The following BCO1 variants were observed in gnomAD, a reference collection of about 807,000 sequenced individuals.
The protein encoded by BCO1 is beta,beta-carotene 15,15'-dioxygenase.
A neutral mutation model predicts 56.3 loss-of-function variants in BCO1; 54 were observed. The ratio of observed to expected loss-of-function variants is 0.96; its 90% CI spans 0.77 to 1.20. The LOEUF is 1.20. BCO1 is among the 50% of genes most tolerant of loss of function. The pLI, the probability that BCO1 is intolerant of heterozygous loss-of-function variation, is 0.00. For synonymous variants in BCO1, 318 were observed against 266.1 expected (o/e 1.20, Z -1.90); for missense variants, 801 against 690.9 (o/e 1.16, Z -1.79).
rs1318589424 is a variant in BCO1, at chr16:81,270,206, C to T, written c.891C>T (p.Thr297=). The T allele has an allele frequency of 1.2e-5, 19 of 1,614,164 alleles. No individual in the cohort carries two copies. The highest frequency in any genetic ancestry group is 2.2e-5 in the South Asian group (2 of 91,084). Residue 297 remains threonine, a synonymous_variant, in exon 7 of 11, where the codon ACC becomes ACT. Coordinates refer to ENST00000258168, the MANE Select transcript of BCO1 (RefSeq NM_017429.3). The stretch of plus-strand genomic sequence containing the variant: ...AAAGGACCAGGCAGCCTGTGCAGAC[C>T]AAGTTTTACACAGACGCCATGGTGG... ...IDQRTRQPVQ[T]KFYTDAMVVF...
At position 81,290,573 on chromosome 16, in the gene BCO1, C is replaced by G. The variant is rs757272575; in HGVS notation, c.1640C>G (p.Thr547Ser). ...TCCGACTGCCACGGGGCTCCTCTGA[C>G]CTGATGGTGTTGGGGTTTGGGTAGG... ...RASDCHGAPL[T>S] is the part of the protein sequence containing the mutation. The change falls in exon 11 of 11, where the codon ACC becomes AGC. Residue 547 changes from threonine (T) to serine (S), a missense_variant. By Grantham distance (58) the Thr-to-Ser change is moderately conservative. Coordinates refer to ENST00000258168, the MANE Select transcript of BCO1 (RefSeq NM_017429.3). 3.7e-6 allele frequency: 6 copies of G among 1,612,470 alleles called. No individual in the cohort carries two copies. Among genetic ancestry groups the G allele is most frequent in the Admixed American group, 3.3e-5 (2 of 59,992 alleles).
intron 1 of BCO1, 147 bp from the exon 2 acceptor site, chr16:81,245,328 A>G: frequency 2.4e-6 from 3 of 1,260,870 alleles, no homozygotes; most frequent in South Asian, 2.4e-5. Context: ...CACATTATAC[A>G]CTTTCTGGAA....
intron 8 of BCO1, among the ~76,000 whole-genome samples, chr16:81,284,088 G>T (rs987716640): frequency 6.6e-6 from 1 of 151,686 alleles, no homozygotes; most frequent in African/African-American, 2.4e-5. Flanking sequence ...AGCTACTTGG[G>T]AGGCTGAAGC....
chr16:81,248,873 G>A (rs1346559183), intron 2 of BCO1, among the ~76,000 whole-genome samples: 3 of 152,082 alleles, frequency 2.0e-5, no homozygotes, highest in African/African-American at 7.2e-5. Context: ...TTAGCCGGAT[G>A]TGGTGGCAGG....
chr16:81,289,701 A>T (rs1238993141), intron 10 of BCO1, among the ~76,000 whole-genome samples: 1 of 152,196 alleles, frequency 6.6e-6, no homozygotes, highest in East Asian at 1.9e-4. Context: ...GCAATAATTT[A>T]CAGAGTGCTT....
At chr16:81,258,391 G>T (rs184808651) in intron 2 of BCO1, among the ~76,000 whole-genome samples, 1 of 152,330 alleles carries the variant, frequency 6.6e-6, no homozygotes, top group Non-Finnish European at 1.5e-5. Context: ...ACACAGGTCT[G>T]ACCCTCTATT....
intron 2 of BCO1, among the ~76,000 whole-genome samples, chr16:81,246,876 A>G (rs944461211): frequency 1.3e-5 from 2 of 150,524 alleles, no homozygotes; most frequent in Non-Finnish European, 3.0e-5. Flanking sequence ...AAAGAAGAGT[A>G]CAGAGCTGGA....
Position 81,238,920 on chromosome 16 carries a change from A to G in BCO1, c.12A>G (p.Ile4Met), listed in dbSNP as rs1311564026. The G allele has an allele frequency of 6.2e-7, 1 of 1,614,006 alleles. No individual in the cohort carries two copies. Among genetic ancestry groups the G allele is most frequent in the Non-Finnish European group, 8.5e-7 (1 of 1,179,984 alleles). MDI[I>M]FGRNRKEQLE... The stretch of plus-strand genomic sequence containing the variant: ...CGGCACCCTGAGCAATGGATATAAT[A>G]TTTGGCAGGAATAGGAAAGAACAGC... The change falls in exon 1 of 11, where the codon ATA becomes ATG. Residue 4 changes from isoleucine (I) to methionine (M), a missense_variant. Physicochemically the swap from Ile to Met is conservative, Grantham distance 10 (BLOSUM62 1). Coordinates refer to ENST00000258168, the MANE Select transcript of BCO1 (RefSeq NM_017429.3).
intron 2 of BCO1, among the ~76,000 whole-genome samples, chr16:81,245,883 A>C (rs1330755588): frequency 1.6e-4 from 15 of 93,034 alleles, no homozygotes; most frequent in Non-Finnish European, 3.0e-4. Context: ...TTTCTCTGAG[A>C]CGGAGTTTTG....
chr16:81,246,834 G>C (rs1046384136), intron 2 of BCO1, among the ~76,000 whole-genome samples: 1 of 114,356 alleles, frequency 8.7e-6, no homozygotes, highest in African/African-American at 3.2e-5. Context: ...CTGGGAGACA[G>C]AGCCAGACTT....
chr16:81,287,355 C>G lies in BCO1; in HGVS notation c.1363C>G (p.Pro455Ala), dbSNP rs1908241769. 6.2e-7 allele frequency: 1 copy of G among 1,613,958 alleles called. No individual in the cohort carries two copies. Among genetic ancestry groups the G allele is most frequent in the African/African-American group, 1.3e-5 (1 of 74,920 alleles). Reference sequence around the variant, plus strand: ...AAAATGGAGAGAGGACGACTGCTGGCCAGCGGAACCCCTGTTTGTGCCCGC... The same window carrying G: ...AAAATGGAGAGAGGACGACTGCTGGGCAGCGGAACCCCTGTTTGTGCCCGC... ...SLKWREDDCW[P>A]AEPLFVPAPG... is the part of the protein sequence containing the mutation. Residue 455 changes from proline to alanine, a missense_variant, in exon 10 of 11, where the codon CCA becomes GCA. Physicochemically the swap from Pro to Ala is conservative, Grantham distance 27. Coordinates refer to ENST00000258168, the MANE Select transcript of BCO1 (RefSeq NM_017429.3).
At chr16:81,272,334 G>A (rs1907282843) in intron 7 of BCO1, among the ~76,000 whole-genome samples, 1 of 150,302 alleles carries the variant, frequency 6.7e-6, no homozygotes, top group Admixed American at 6.6e-5. Context: ...TAGCCAGGAT[G>A]GTCTCAACCT....
chr16:81,239,024 T>A (rs756502248), intron 1 of BCO1, 52 bp downstream of exon 1: 513 of 1,493,442 alleles, frequency 3.4e-4, no homozygotes, highest in South Asian at 4.4e-4. Flanking sequence ...TTTATTATTT[T>A]TTTTTTTTTT....
intron 2 of BCO1, among the ~76,000 whole-genome samples, chr16:81,250,687 T>G (rs1368334233): frequency 1.3e-5 from 2 of 151,250 alleles, no homozygotes; most frequent in Non-Finnish European, 2.9e-5. Context: ...TTCAAGCGAT[T>G]CTCGTGCCTC....
At chr16:81,288,800 G>C (rs1054170007) in intron 10 of BCO1, among the ~76,000 whole-genome samples, 6 of 152,158 alleles carry the variant, frequency 3.9e-5, no homozygotes, top group African/African-American at 1.4e-4. Context: ...CCAGCAATGG[G>C]GCTGCCACAC....
chr16:81,270,952 G>C (rs545462794), intron 7 of BCO1, among the ~76,000 whole-genome samples: 146 of 151,906 alleles, frequency 9.6e-4, no homozygotes, highest in African/African-American at 3.4e-3. Context: ...CACCGTGTTA[G>C]CCAGGATGGT....
intron 9 of BCO1, 76 bp downstream of exon 9, chr16:81,285,710 G>A (rs1180276758): frequency 4.9e-5 from 56 of 1,142,692 alleles, no homozygotes; most frequent in Non-Finnish European, 7.4e-5. Flanking sequence ...CTAAGGTTCT[G>A]AGACGTTGAT....
chr16:81,286,580 G>C (rs557834528), intron 9 of BCO1, among the ~76,000 whole-genome samples: 1 of 152,318 alleles, frequency 6.6e-6, no homozygotes, highest in South Asian at 2.1e-4. Context: ...TTTAGGCAGG[G>C]TGTGGTGGCT....
rs1375493115 is a variant in BCO1, at chr16:81,290,998, G to C, written c.*421G>C. 1.2e-5 allele frequency: 2 copies of C among 173,462 alleles called. No homozygotes were observed. Among genetic ancestry groups the C allele is most frequent in the Non-Finnish European group, 2.5e-5 (2 of 80,058 alleles). 10.7% of individuals were successfully genotyped at this position (173,462 alleles called of 1,614,324 possible). A position where few individuals can be genotyped will look rare whatever the true frequency, so the allele number is the denominator to read the frequency against. On this transcript the variant is annotated 3_prime_UTR_variant, in exon 11 of 11. Transcript: ENST00000258168. The stretch of plus-strand genomic sequence containing the variant: ...TTCCTTTGCTCCCTCCCATGTTTCT[G>C]GTGGACTAAATTGTGTATCTGGGAG...
Sources: allele counts gnomAD v4.1 joint callset (sites outside exome capture counted in the v4.1 genomes callset), GRCh38; gene constraint gnomAD v4.1.1; transcripts MANE v1.5; gene names NCBI Gene and HGNC (gene_info 2026-07-23, HGNC 2026-07-21).